The following BCAR3 variants were observed in gnomAD, a reference collection of about 807,000 sequenced individuals.
BCAR3 encodes breast cancer anti-estrogen resistance protein 3.
A neutral mutation model predicts 80.1 loss-of-function variants in BCAR3; 37 were observed. That is an observed-to-expected ratio of 0.46 (90% CI 0.36 to 0.61). The LOEUF (loss-of-function observed/expected upper bound fraction) is 0.61. BCAR3 is among the 20% of genes least tolerant of loss of function. The pLI is 0.00. For synonymous variants in BCAR3, 389 were observed against 418.9 expected (o/e 0.93, Z 0.87); for missense variants, 978 against 1,068.2 (o/e 0.92, Z 1.18).
chr1:93,727,787 G>GC (rs1370232661), intron 2 of BCAR3, among the ~76,000 whole-genome samples: 5 of 152,068 alleles, frequency 3.3e-5, no homozygotes, highest in Non-Finnish European at 7.4e-5. Context: ...TTGAATAGTG[G>GC]CCCCCCCAAA....
chr1:93,691,471 T>C (rs1649185455), intron 3 of BCAR3, among the ~76,000 whole-genome samples: 1 of 152,210 alleles, frequency 6.6e-6, no homozygotes, highest in Non-Finnish European at 1.5e-5. Context: ...AAGGTGCTTA[T>C]TTTTACAGGA....
intron 1 of BCAR3, among the ~76,000 whole-genome samples, chr1:93,679,373 G>A (rs1467867650): frequency 2.0e-5 from 3 of 152,104 alleles, no homozygotes; most frequent in Non-Finnish European, 4.4e-5. Context: ...GGGAAGGATG[G>A]GGAGGGAAAC....
At chr1:93,734,321 C>G (rs1650902368) in intron 2 of BCAR3, among the ~76,000 whole-genome samples, 1 of 152,180 alleles carries the variant, frequency 6.6e-6, no homozygotes, top group African/African-American at 2.4e-5. Flanking sequence ...GCATTGGATT[C>G]CCTAGTTTAG....
At position 93,567,753 on chromosome 1, in the gene BCAR3, C is replaced by G; in HGVS notation, c.2073G>C (p.Leu691=). ...EKQLKPFSKL[L]HEGRESTCVP... The stretch of plus-strand genomic sequence containing the variant: ...CCACGTGCTCACCTCTGCCTTCATG[C>G]AGGAGTTTGCTGAAGGGCTTCAGCT... Residue 691 remains leucine, a synonymous_variant, in exon 10 of 12, where the codon CTG becomes CTC. Transcript: ENST00000260502. 2.5e-6 allele frequency: 4 copies of G among 1,613,972 alleles called. No individual in the cohort carries two copies. The highest frequency in any genetic ancestry group is 3.4e-6 in the Non-Finnish European group (4 of 1,179,834).
chr1:93,572,529 A>T (rs1055790652), intron 8 of BCAR3, among the ~76,000 whole-genome samples: 3 of 152,212 alleles, frequency 2.0e-5, no homozygotes, highest in Non-Finnish European at 4.4e-5. Flanking sequence ...TACATGGGTC[A>T]ACCTCAGAGA....
intron 11 of BCAR3, among the ~76,000 whole-genome samples, chr1:93,562,701 G>A (rs532705132): frequency 6.7e-6 from 1 of 149,966 alleles, no homozygotes; most frequent in Non-Finnish European, 1.5e-5. Flanking sequence ...AACCCGGGAG[G>A]TGGAGCTTGC....
At chr1:93,621,989 A>T (rs1377849070) in intron 3 of BCAR3, among the ~76,000 whole-genome samples, 2 of 152,224 alleles carry the variant, frequency 1.3e-5, no homozygotes, top group Non-Finnish European at 2.9e-5. Context: ...CTCCTGCCTC[A>T]GCCTCCCGAG....
intron 3 of BCAR3, among the ~76,000 whole-genome samples, chr1:93,600,070 CG>C (rs1175316718): frequency 6.6e-6 from 1 of 152,284 alleles, no homozygotes; most frequent in Middle Eastern, 3.4e-3. Context: ...CAGCTAAGGC[CG>C]ACATGACAGC....
At chr1:93,685,377 G>A (rs1455461614), upstream of BCAR3, among the ~76,000 whole-genome samples, 2 of 151,304 alleles carry the variant, frequency 1.3e-5, no homozygotes, top group East Asian at 3.9e-4. Context: ...GTGTGTATGT[G>A]TGTGTGCGAG....
chr1:93,692,772 G>A (rs923209953), intron 3 of BCAR3, among the ~76,000 whole-genome samples: 9 of 152,186 alleles, frequency 5.9e-5, no homozygotes, highest in East Asian at 1.9e-4. Context: ...TTGCTTGAGC[G>A]TGGTGTGGAA....
Position 93,586,799 on chromosome 1 carries a change from A to G in BCAR3, c.929+2178T>C, listed in dbSNP as rs577622583. 2.0e-5 allele frequency among the ~76,000 whole-genome samples: 3 copies of G among 152,246 alleles called. No individual in the cohort carries two copies. Among genetic ancestry groups the G allele is most frequent in the South Asian group, 4.1e-4 (2 of 4,822 alleles). ...TTGATTTGCATTTCTCTGATGACCA[A>G]TCATGTTGAACACCTTTTCATATGC... On this transcript the variant is annotated intron_variant, in intron 5 of 11. Transcript: ENST00000260502. This position sits in a 1 kb window ranked among gnomAD's most constrained non-coding sequence, Gnocchi z 4.2.
At chr1:93,763,780 G>C (rs955655530) in intron 2 of BCAR3, among the ~76,000 whole-genome samples, 2 of 152,110 alleles carry the variant, frequency 1.3e-5, no homozygotes, top group African/African-American at 4.8e-5. Context: ...GAACATAAAG[G>C]CCTGACTTGC....
intron 2 of BCAR3, among the ~76,000 whole-genome samples, chr1:93,802,721 A>G (rs1207127993): frequency 6.6e-6 from 1 of 152,244 alleles, no homozygotes; most frequent in Non-Finnish European, 1.5e-5. Flanking sequence ...GGAGTGAGAG[A>G]CAGTGGAAAC....
chr1:93,720,774 C>T (rs890313790), intron 2 of BCAR3, among the ~76,000 whole-genome samples: 7 of 152,224 alleles, frequency 4.6e-5, no homozygotes, highest in Middle Eastern at 3.4e-3. Flanking sequence ...CAGACCCACC[C>T]GCCCCTACAC....
At chr1:93,772,356 C>T (rs1358893203) in intron 2 of BCAR3, among the ~76,000 whole-genome samples, 1 of 152,156 alleles carries the variant, frequency 6.6e-6, no homozygotes, top group Non-Finnish European at 1.5e-5. Flanking sequence ...AGGCCTCTAA[C>T]CTCCTAGCTT....
At position 93,592,724 on chromosome 1, in the gene BCAR3, A is replaced by T. The variant is rs7519939; in HGVS notation, c.358-331T>A. On this transcript the variant is annotated intron_variant, in intron 3 of 11. Coordinates refer to ENST00000260502, the MANE Select transcript of BCAR3 (RefSeq NM_003567.4). The surrounding 1 kb of genome is among the most constrained non-coding windows in gnomAD (Gnocchi z 4.8). ...GCCCAGCCTGCTCTCTTCCCAGCGGAGAGCTTCCTCATTCTCCTTCAGGAC... is the reference window on the plus strand; with the variant it reads ...GCCCAGCCTGCTCTCTTCCCAGCGGTGAGCTTCCTCATTCTCCTTCAGGAC... Among the ~76,000 whole-genome samples the T allele has an allele frequency of 9.9e-5, 15 of 151,998 alleles. No homozygotes were observed. Among genetic ancestry groups the T allele is most frequent in the African/African-American group, 2.9e-4 (12 of 41,332 alleles).
chr1:93,583,479 A>T (rs1443664852), intron 6 of BCAR3, among the ~76,000 whole-genome samples: 2 of 151,988 alleles, frequency 1.3e-5, no homozygotes, highest in South Asian at 2.1e-4. Flanking sequence ...AAAGTCAGTT[A>T]TGAAAATAAT....
intron 2 of BCAR3, among the ~76,000 whole-genome samples, chr1:93,744,824 C>T (rs1275255290): frequency 1.3e-5 from 2 of 152,156 alleles, no homozygotes; most frequent in African/African-American, 4.8e-5. Flanking sequence ...CGAGGAAATC[C>T]CCTTAGGAAG....
At chr1:93,610,829 C>A (rs1431769708) in intron 3 of BCAR3, among the ~76,000 whole-genome samples, 1 of 151,958 alleles carries the variant, frequency 6.6e-6, no homozygotes, top group Admixed American at 6.5e-5. Context: ...TGCCTGTAAT[C>A]CCAGCTACTC....
Sources: allele counts gnomAD v4.1 joint callset (sites outside exome capture counted in the v4.1 genomes callset), GRCh38; gene constraint gnomAD v4.1.1; non-coding constraint Gnocchi (gnomAD v3.1); transcripts MANE v1.5; gene names NCBI Gene and HGNC (gene_info 2026-07-23, HGNC 2026-07-21).